EDN3: variants seen among roughly 807,000 people sequenced by gnomAD.
EDN3 encodes endothelin-3.
A neutral mutation model predicts 21.4 loss-of-function variants in EDN3; 9 were observed. The observed-to-expected ratio is 0.42, with a 90% CI of 0.25 to 0.73. EDN3 has a LOEUF of 0.73. Among genes scored for constraint, EDN3 ranks in the 30% least tolerant of loss-of-function variants. EDN3 has a pLI of 0.26. For synonymous variants in EDN3, 133 were observed against 126.2 expected (o/e 1.05, Z -0.36); for missense variants, 327 against 309.4 (o/e 1.06, Z -0.43).
intron 2 of EDN3, among the ~76,000 whole-genome samples, chr20:59,306,729 G>T (rs1397315134): frequency 1.3e-5 from 2 of 151,904 alleles, no homozygotes; most frequent in Non-Finnish European, 2.9e-5. Context: ...ATCTTGGCAT[G>T]GTCTCAAGAA....
intron 2 of EDN3, among the ~76,000 whole-genome samples, chr20:59,303,005 GA>G (rs1183904699): frequency 1.3e-5 from 2 of 152,178 alleles, no homozygotes; most frequent in Non-Finnish European, 2.9e-5. Flanking sequence ...GATAGATCTG[GA>G]ACATCACCCC....
At chr20:59,302,269 G>A (rs998219665) in intron 2 of EDN3, among the ~76,000 whole-genome samples, 2 of 152,156 alleles carry the variant, frequency 1.3e-5, no homozygotes, top group African/African-American at 4.8e-5. Flanking sequence ...GGGCCCCCCT[G>A]GATGCCAAGG....
chr20:59,323,791 T>C (rs1990686889), intron 4 of EDN3: 2 of 432,634 alleles, frequency 4.6e-6, no homozygotes, highest in East Asian at 3.3e-5. Flanking sequence ...GAGCCCTATA[T>C]AGGAGAAGCA....
At chr20:59,323,449 C>T (rs1295029427) in intron 4 of EDN3, among the ~76,000 whole-genome samples, 1 of 152,230 alleles carries the variant, frequency 6.6e-6, no homozygotes, top group East Asian at 1.9e-4. Context: ...TTGTTGGGCA[C>T]CTGCTACGGG....
chr20:59,309,318 T>A (rs988540737), intron 2 of EDN3, among the ~76,000 whole-genome samples: 1 of 152,164 alleles, frequency 6.6e-6, no homozygotes, highest in East Asian at 1.9e-4. Context: ...GGCTCTCATG[T>A]CCTTGGTACG....
At position 59,302,991 on chromosome 20, in the gene EDN3, C is replaced by T; in HGVS notation, c.365+1269C>T. ...CAGGGGACAAGACCTCTAATCACATCCATGATAGATCTGGAACATCACCCC... is the reference window on the plus strand; with the variant it reads ...CAGGGGACAAGACCTCTAATCACATTCATGATAGATCTGGAACATCACCCC... On this transcript the variant is annotated intron_variant, in intron 2 of 4. Transcript: ENST00000337938. 1.3e-5 allele frequency among the ~76,000 whole-genome samples: 2 copies of T among 152,156 alleles called. 1 individual carries two copies. Among genetic ancestry groups the T allele is most frequent in the Non-Finnish European group, 2.9e-5 (2 of 68,034 alleles).
At position 59,324,687 on chromosome 20, in the gene EDN3, C is replaced by G; in HGVS notation, c.*228C>G. The G allele has an allele frequency of 1.7e-6, 1 of 600,478 alleles. No individual in the cohort carries two copies. Among genetic ancestry groups the G allele is most frequent in the East Asian group, 2.9e-5 (1 of 34,196 alleles). The allele number at this position is 600,478 out of a possible 1,614,324, so 37.2% of individuals were successfully genotyped here. Reference sequence around the variant, plus strand: ...ATCCCAGATGTGCCCCAGAGCATGACGCCTGCAGCTCCGGTTTCATGCAGG... The same window carrying G: ...ATCCCAGATGTGCCCCAGAGCATGAGGCCTGCAGCTCCGGTTTCATGCAGG... On this transcript the variant is annotated 3_prime_UTR_variant, in exon 5 of 5. Coordinates refer to ENST00000337938, the MANE Select transcript of EDN3 (RefSeq NM_207034.3).
At chr20:59,316,001 T>C (rs1198370907) in intron 2 of EDN3, among the ~76,000 whole-genome samples, 1 of 152,088 alleles carries the variant, frequency 6.6e-6, no homozygotes, top group Non-Finnish European at 1.5e-5. Flanking sequence ...CTGGCCAACA[T>C]GGTGAAACCC....
chr20:59,324,189 A>C, intron 4 of EDN3, 142 bp from the exon 5 acceptor site: 1 of 1,026,626 alleles, frequency 9.7e-7, no homozygotes. Flanking sequence ...CACTGGGAAG[A>C]GGGTACATAC....
At chr20:59,318,386 C>T (rs973130192) in intron 2 of EDN3, among the ~76,000 whole-genome samples, 14 of 152,210 alleles carry the variant, frequency 9.2e-5, no homozygotes, top group Non-Finnish European at 2.1e-4. Flanking sequence ...CATTTGGAAG[C>T]CACATTTGTC....
intron 2 of EDN3, among the ~76,000 whole-genome samples, chr20:59,304,468 C>G (rs558223605): frequency 2.0e-5 from 3 of 152,224 alleles, no homozygotes; most frequent in Non-Finnish European, 4.4e-5. Context: ...GTTCTGGGCA[C>G]GAGAAGGAGC....
Position 59,322,237 on chromosome 20 carries a change from T to C in EDN3, c.543-135T>C, listed in dbSNP as rs1378085437. ...CACCGAGTGCTCAGCCTTCAGAAAC[T>C]GTGCCTGAGACGCAGTCCTTGGGGA... On this transcript the variant is annotated intron_variant, in intron 3 of 4. Transcript: ENST00000337938. The surrounding 1 kb of genome is among the most constrained non-coding windows in gnomAD (Gnocchi z 4.1). 2 of 936,938 alleles carry C rather than the reference T, an allele frequency of 2.1e-6. No individual in the cohort carries two copies. Among genetic ancestry groups the C allele is most frequent in the Non-Finnish European group, 1.7e-6 (1 of 581,174 alleles). The allele number at this position is 936,938 out of a possible 1,614,324, so 58.0% of individuals were successfully genotyped here.
Position 59,305,824 on chromosome 20 carries a change from G to A in EDN3, c.365+4102G>A, listed in dbSNP as rs1170680496. The stretch of plus-strand genomic sequence containing the variant: ...AGGCCCACTACATTTTGGAGGGTCA[G>A]CTGCTTTGCTCAAAGTCTACTGATT... On this transcript the variant is annotated intron_variant, in intron 2 of 4. Transcript: ENST00000337938. The surrounding 1 kb of genome is among the most constrained non-coding windows in gnomAD (Gnocchi z 4.2). Among the ~76,000 whole-genome samples, 2 of 152,226 alleles carry A rather than the reference G, an allele frequency of 1.3e-5. No homozygotes were observed. Among genetic ancestry groups the A allele is most frequent in the Non-Finnish European group, 2.9e-5 (2 of 68,042 alleles).
rs922640208 is a variant in EDN3 at position 59,322,249 on chromosome 20, G to T, written c.543-123G>T. On this transcript the variant is annotated intron_variant, in intron 3 of 4. Coordinates refer to ENST00000337938, the MANE Select transcript of EDN3 (RefSeq NM_207034.3). This position sits in a 1 kb window ranked among gnomAD's most constrained non-coding sequence, Gnocchi z 4.1. ...AGCCTTCAGAAACTGTGCCTGAGAC[G>T]CAGTCCTTGGGGAACGCACTAATGT... The T allele has an allele frequency of 9.4e-7, 1 of 1,068,606 alleles. No individual in the cohort carries two copies. Among genetic ancestry groups the T allele is most frequent in the Non-Finnish European group, 1.4e-6 (1 of 696,226 alleles). The allele number at this position is 1,068,606 out of a possible 1,614,324, so 66.2% of individuals were successfully genotyped here. A position where few individuals can be genotyped will look rare whatever the true frequency, so the allele number is the denominator to read the frequency against.
At chr20:59,319,505 A>T (rs746725908) in intron 2 of EDN3, among the ~76,000 whole-genome samples, 33 of 152,272 alleles carry the variant, frequency 2.2e-4, no homozygotes, top group Non-Finnish European at 4.1e-4. Flanking sequence ...AGGTCAAGAG[A>T]TGGAGACCAT....
chr20:59,301,430 T>C lies in EDN3; in HGVS notation c.73T>C (p.Ser25Pro). The C allele has an allele frequency of 6.2e-7, 1 of 1,612,234 alleles. No homozygotes were observed. The highest frequency in any genetic ancestry group is 8.5e-7 in the Non-Finnish European group (1 of 1,179,990). The change falls in exon 2 of 5, where the codon TCT becomes CCT. Residue 25 changes from serine (S) to proline (P), a missense_variant. Ser to Pro is a moderately conservative substitution (Grantham distance 74, BLOSUM62 -1). Transcript: ENST00000337938. ...TGCAGGATTCGTGCCTTGCTCCCAG[T>C]CTGGGGATGCTGGCAGGCGCGGCGT... ...SAAGFVPCSQSGDAGRRGVSQ... is the reference protein window; with the variant it reads ...SAAGFVPCSQPGDAGRRGVSQ...
chr20:59,305,735 G>A lies in EDN3; in HGVS notation c.365+4013G>A, dbSNP rs1337429793. ...AGGGAGTTGATGTCAAGGAGGTCTG[G>A]AAGCAGAATTCTTTTCTGTTCGGGA... On this transcript the variant is annotated intron_variant, in intron 2 of 4. Transcript: ENST00000337938. The surrounding 1 kb of genome is among the most constrained non-coding windows in gnomAD (Gnocchi z 4.2). Among the ~76,000 whole-genome samples, 1 of 152,218 alleles carries A rather than the reference G, an allele frequency of 6.6e-6. No individual in the cohort carries two copies. Among genetic ancestry groups the A allele is most frequent in the Non-Finnish European group, 1.5e-5 (1 of 68,044 alleles).
chr20:59,302,396 C>T (rs1168206689), intron 2 of EDN3, among the ~76,000 whole-genome samples: 4 of 152,168 alleles, frequency 2.6e-5, no homozygotes, highest in African/African-American at 9.7e-5. Flanking sequence ...AACTCTCTTA[C>T]CCTAGGGCCT....
chr20:59,317,901 C>T (rs1990286463), intron 2 of EDN3, among the ~76,000 whole-genome samples: 1 of 152,210 alleles, frequency 6.6e-6, no homozygotes, highest in Admixed American at 6.5e-5. Context: ...AAAGACCTGC[C>T]CTCTCTTTTG....
Sources: allele counts gnomAD v4.1 joint callset (sites outside exome capture counted in the v4.1 genomes callset), GRCh38; gene constraint gnomAD v4.1.1; non-coding constraint Gnocchi (gnomAD v3.1); transcripts MANE v1.5; gene names NCBI Gene and HGNC (gene_info 2026-07-23, HGNC 2026-07-21).